Variants in EYA1 observed in about 807,000 individuals in gnomAD.
The protein encoded by EYA1 is protein phosphatase EYA1.
Under a neutral mutation model 82.0 loss-of-function variants are expected in EYA1, and 16 were observed. The observed-to-expected ratio is 0.20, with a 90% CI of 0.13 to 0.30. EYA1 has a LOEUF of 0.30. EYA1 is among the 10% of genes least tolerant of loss of function. EYA1 has a pLI of 1.00. For synonymous variants in EYA1, 261 were observed against 264.4 expected (o/e 0.99, Z 0.12); for missense variants, 633 against 730.7 (o/e 0.87, Z 1.54).
chr8:71,544,905 A>T (rs1754698834), intron 1 of EYA1, among the ~76,000 whole-genome samples: 1 of 152,230 alleles, frequency 6.6e-6, no homozygotes. Context: ...AGGCTCACTC[A>T]GATTCTCTTT....
Position 71,361,875 on chromosome 8 carries a change from T to G in EYA1, c.-283A>C. On this transcript the variant is annotated 5_prime_UTR_variant, in exon 1 of 18. Coordinates refer to ENST00000340726, the MANE Select transcript of EYA1 (RefSeq NM_000503.6). ...CCGCAGGCTCGGGCTGCCGAGCGAC[T>G]GAGCGAAAACGTGTTCCCCAGGAAG... The G allele has an allele frequency of 1.0e-6, 1 of 985,456 alleles. No individual in the cohort carries two copies. The allele number at this position is 985,456 out of a possible 1,614,324, so 61.0% of individuals were successfully genotyped here.
intron 7 of EYA1, among the ~76,000 whole-genome samples, chr8:71,306,432 G>C (rs963477665): frequency 2.6e-5 from 4 of 151,934 alleles, no homozygotes; most frequent in African/African-American, 7.2e-5. Context: ...GAAATGTTAC[G>C]ATTCTGAATT....
chr8:71,278,908 G>A (rs958299540), intron 9 of EYA1, among the ~76,000 whole-genome samples: 2 of 152,190 alleles, frequency 1.3e-5, no homozygotes, highest in African/African-American at 4.8e-5. Flanking sequence ...CTTTGGGAGG[G>A]TGGAGGCCCT....
At chr8:71,481,145 T>G (rs2129211980) in intron 2 of EYA1, among the ~76,000 whole-genome samples, 1 of 152,260 alleles carries the variant, frequency 6.6e-6, no homozygotes, top group African/African-American at 2.4e-5. Context: ...AACACACAGA[T>G]TTTACTCCAT....
At chr8:71,251,377 G>A (rs553727482) in intron 11 of EYA1, among the ~76,000 whole-genome samples, 4 of 152,282 alleles carry the variant, frequency 2.6e-5, no homozygotes, top group Admixed American at 1.3e-4. Context: ...GCCTTCTTAA[G>A]TTGTTCTTCA....
rs574373345 is a variant in EYA1, at chr8:71,203,988, G to A, written c.1699-4568C>T. Among the ~76,000 whole-genome samples, 221 of 152,236 alleles carry A rather than the reference G, an allele frequency of 1.5e-3. 3 individuals are homozygous for A. Among genetic ancestry groups the A allele is most frequent in the African/African-American group, 5.0e-3 (207 of 41,552 alleles). On this transcript the variant is annotated intron_variant, in intron 17 of 17. Transcript: ENST00000340726. ...AGACATTCAGATGGGTAGAACATGG[G>A]ATATTTACCCAGAGATATTTTCTCA... is the stretch of plus-strand genomic sequence containing the variant.
intron 2 of EYA1, among the ~76,000 whole-genome samples, chr8:71,474,162 C>T (rs4427203): frequency 0.22 from 31,706 of 146,678 alleles, 6,636 homozygotes; most frequent in African/African-American, 0.51. Context: ...CAAACCTGCA[C>T]GTTCTGCACA....
At position 71,334,343 on chromosome 8, in the gene EYA1, A is replaced by G. The variant is rs7840881; in HGVS notation, c.125-169T>C. The G allele has an allele frequency of 0.055, 37,820 of 693,348 alleles. 3,397 individuals carry two copies. Among genetic ancestry groups the G allele is most frequent in the African/African-American group, 0.3 (16,938 of 56,412 alleles). 42.9% of individuals were successfully genotyped at this position (693,348 alleles called of 1,614,324 possible). A position where few individuals can be genotyped will look rare whatever the true frequency, so the allele number is the denominator to read the frequency against. ...ATAGACTCCTTTTAAAAAAATTCACATATTAAGTTCTTTCCCCTTAGGAAA... is the reference window on the plus strand; with the variant it reads ...ATAGACTCCTTTTAAAAAAATTCACGTATTAAGTTCTTTCCCCTTAGGAAA... On this transcript the variant is annotated intron_variant, in intron 3 of 17. Transcript: ENST00000340726.
At chr8:71,282,885 G>C (rs890399240) in intron 9 of EYA1, among the ~76,000 whole-genome samples, 2 of 150,842 alleles carry the variant, frequency 1.3e-5, no homozygotes, top group African/African-American at 4.9e-5. Flanking sequence ...CTAACAGACA[G>C]CTCAAACTTC....
At chr8:71,223,819 C>A (rs977404274) in intron 12 of EYA1, among the ~76,000 whole-genome samples, 5 of 152,210 alleles carry the variant, frequency 3.3e-5, no homozygotes, top group Non-Finnish European at 7.3e-5. Context: ...TGTACAGAGG[C>A]TCATATGCAA....
intron 3 of EYA1, among the ~76,000 whole-genome samples, chr8:71,338,482 GATCT>G (rs1220024717): frequency 6.6e-6 from 1 of 152,192 alleles, no homozygotes; most frequent in Non-Finnish European, 1.5e-5. Context: ...TTTCAGTGTG[GATCT>G]ATCTATCAGA....
intron 1 of EYA1, among the ~76,000 whole-genome samples, chr8:71,358,163 G>A (rs1393653940): frequency 6.6e-6 from 1 of 152,086 alleles, no homozygotes; most frequent in Non-Finnish European, 1.5e-5. Context: ...TTTAGTTTCA[G>A]TATACACTTT....
chr8:71,322,503 A>G, intron 4 of EYA1: 1 of 528,904 alleles, frequency 1.9e-6, no homozygotes, highest in Non-Finnish European at 3.4e-6. Flanking sequence ...AACTCTTAGA[A>G]AACGTCATCA....
chr8:71,491,801 T>C (rs546010288), intron 2 of EYA1, among the ~76,000 whole-genome samples: 1 of 152,326 alleles, frequency 6.6e-6, no homozygotes, highest in South Asian at 2.1e-4. Flanking sequence ...TATGCGGTGG[T>C]TACTAACAGT....
At chr8:71,362,930 T>G (rs1002685799), upstream of EYA1, among the ~76,000 whole-genome samples, 1 of 152,228 alleles carries the variant, frequency 6.6e-6, no homozygotes, top group Non-Finnish European at 1.5e-5. Context: ...ATTTCAAATA[T>G]TCAAAGAAGG....
intron 11 of EYA1, among the ~76,000 whole-genome samples, chr8:71,254,720 C>A (rs1814186778): frequency 6.6e-6 from 1 of 151,972 alleles, no homozygotes; most frequent in Admixed American, 6.6e-5. Context: ...AAGTTCTAGC[C>A]AGAAGTATTA....
At chr8:71,368,860 C>A (rs573731599) in intron 2 of EYA1, among the ~76,000 whole-genome samples, 14 of 151,712 alleles carry the variant, frequency 9.2e-5, no homozygotes, top group Admixed American at 5.3e-4. Flanking sequence ...ATGACTTATA[C>A]GTGAAAAGGA....
chr8:71,513,509 A>C (rs911894411), intron 2 of EYA1, among the ~76,000 whole-genome samples: 2 of 152,128 alleles, frequency 1.3e-5, no homozygotes, highest in Non-Finnish European at 2.9e-5. Context: ...TATTAGGTAC[A>C]TGATGTGTTT....
chr8:71,222,242 G>C (rs886328328), intron 12 of EYA1, among the ~76,000 whole-genome samples: 8 of 152,104 alleles, frequency 5.3e-5, no homozygotes, highest in African/African-American at 1.9e-4. Flanking sequence ...ACCTTCCACT[G>C]GTAACATATT....
Sources: allele counts gnomAD v4.1 joint callset (sites outside exome capture counted in the v4.1 genomes callset), GRCh38; gene constraint gnomAD v4.1.1; transcripts MANE v1.5; gene names NCBI Gene and HGNC (gene_info 2026-07-23, HGNC 2026-07-21).